The following SAMD4A variants were observed in gnomAD, a reference collection of about 807,000 sequenced individuals.
The protein encoded by SAMD4A is sterile alpha motif domain containing 4A, also known as protein Smaug homolog 1.
In SAMD4A, 33 loss-of-function variants were observed where a neutral mutation model predicts 81.3. That is an observed-to-expected ratio of 0.41 (90% confidence interval 0.31 to 0.54). SAMD4A has a LOEUF of 0.54. Ranked by LOEUF, SAMD4A falls within the 20% of genes least tolerant of loss-of-function variation. The probability of loss-of-function intolerance (pLI) is 0.37; values close to 1 mark genes in which losing one functional copy is unlikely to be tolerated. For missense variants in SAMD4A, 854 were observed against 951.1 expected, an observed-to-expected ratio of 0.90 and a Z score of 1.34; for synonymous variants, 389 against 382.1, an observed-to-expected ratio of 1.02 and a Z score of -0.21.
chr14:54,769,373 A>G (rs1594921866), intron 8 of SAMD4A, among the ~76,000 whole-genome samples: 2 of 152,232 alleles, frequency 1.3e-5, no homozygotes, highest in East Asian at 3.8e-4. Context: ...CCTAACCCAC[A>G]TAAAGTCCTT....
intron 2 of SAMD4A, among the ~76,000 whole-genome samples, chr14:54,681,526 C>A (rs1273217850): frequency 6.6e-6 from 1 of 152,040 alleles, no homozygotes; most frequent in Non-Finnish European, 1.5e-5. Context: ...AACTCCCTGA[C>A]TCAAGCAATT....
chr14:54,611,428 C>T (rs1264235542), intron 2 of SAMD4A, among the ~76,000 whole-genome samples: 1 of 152,180 alleles, frequency 6.6e-6, no homozygotes, highest in East Asian at 1.9e-4. Flanking sequence ...CTTAATCAGC[C>T]TTTACATAAA....
At chr14:54,718,858 G>C (rs2037188266) in intron 3 of SAMD4A, among the ~76,000 whole-genome samples, 1 of 152,018 alleles carries the variant, frequency 6.6e-6, no homozygotes, top group African/African-American at 2.4e-5. Context: ...ACAAAAATCA[G>C]CTGGGCGTGT....
chr14:54,737,022 A>G lies in SAMD4A; in HGVS notation c.716-2A>G, dbSNP rs1473274550. On this transcript the variant is annotated splice_acceptor_variant, in intron 3 of 12. Transcript: ENST00000554335. LOFTEE classifies it high-confidence loss of function. ...CCTATTTCATTTTATTTTTTTTTCCAGTTCTCTCAGGCCAGGCACACCACA... is the reference window on the plus strand; with the variant it reads ...CCTATTTCATTTTATTTTTTTTTCCGGTTCTCTCAGGCCAGGCACACCACA... The G allele has an allele frequency of 3.7e-6, 6 of 1,611,152 alleles. No individual in the cohort carries two copies. Among genetic ancestry groups the G allele is most frequent in the Non-Finnish European group, 5.1e-6 (6 of 1,179,384 alleles).
In SAMD4A at chr14:54,682,084, A is replaced by G. The variant is rs539882414; in HGVS notation, c.197-19978A>G. 1.9e-5 allele frequency: 19 copies of G among 983,702 alleles called. No individual in the cohort carries two copies. In the African/African-American group the frequency reaches 3.0e-4, roughly 15 times the overall value. The allele number at this position is 983,702 out of a possible 1,614,324, so 60.9% of individuals were successfully genotyped here. A position where few individuals can be genotyped will look rare whatever the true frequency, so the allele number is the denominator to read the frequency against. ...TAGGTATTTCATTAGTGTGTGACTCAGGAATCTCCGGATCCCTGTTCTTAT... is the reference window on the plus strand; with the variant it reads ...TAGGTATTTCATTAGTGTGTGACTCGGGAATCTCCGGATCCCTGTTCTTAT... On this transcript the variant is annotated intron_variant, in intron 2 of 12. Transcript: ENST00000554335.
intron 2 of SAMD4A, among the ~76,000 whole-genome samples, chr14:54,612,075 A>G (rs181224708): frequency 2.5e-4 from 38 of 152,140 alleles, no homozygotes; most frequent in African/African-American, 8.0e-4. Flanking sequence ...ACTGGAATGG[A>G]GCTTCTGTTT....
At chr14:54,687,730 C>T (rs1396455766) in intron 2 of SAMD4A, among the ~76,000 whole-genome samples, 1 of 152,152 alleles carries the variant, frequency 6.6e-6, no homozygotes, top group Non-Finnish European at 1.5e-5. Context: ...GTCTCTGCGC[C>T]TTGGTGTCCC....
chr14:54,679,377 G>T (rs2036075939), intron 2 of SAMD4A, among the ~76,000 whole-genome samples: 2 of 152,166 alleles, frequency 1.3e-5, no homozygotes, highest in African/African-American at 4.8e-5. Flanking sequence ...AATATTATGA[G>T]AAATGAATTA....
chr14:54,689,694 C>A (rs1354298210), intron 2 of SAMD4A: 1 of 152,216 alleles, frequency 6.6e-6, no homozygotes, highest in Non-Finnish European at 1.5e-5. Context: ...GCCAAGACAA[C>A]TGAACCCATC....
At chr14:54,720,614 G>A (rs1443941526) in intron 3 of SAMD4A, among the ~76,000 whole-genome samples, 1 of 152,178 alleles carries the variant, frequency 6.6e-6, no homozygotes, top group East Asian at 1.9e-4. Flanking sequence ...GGCCTGTTAG[G>A]AGTAAGGTGC....
intron 2 of SAMD4A, among the ~76,000 whole-genome samples, chr14:54,604,822 T>C (rs1437486747): frequency 1.3e-5 from 2 of 152,252 alleles, no homozygotes; most frequent in East Asian, 3.8e-4. Flanking sequence ...ATAAGATGAA[T>C]GCCCCTGTGC....
chr14:54,766,192 G>A (rs1293005040), intron 8 of SAMD4A, among the ~76,000 whole-genome samples: 1 of 152,172 alleles, frequency 6.6e-6, no homozygotes, highest in Non-Finnish European at 1.5e-5. Flanking sequence ...CTCCCCACAA[G>A]CCTTGACTAA....
chr14:54,593,622 C>G (rs1285864733), intron 2 of SAMD4A, among the ~76,000 whole-genome samples: 1 of 152,050 alleles, frequency 6.6e-6, no homozygotes, highest in Admixed American at 6.6e-5. Context: ...TTTACAAATG[C>G]TTAGTTTCGC....
intron 2 of SAMD4A, among the ~76,000 whole-genome samples, chr14:54,583,479 A>T (rs1424436980): frequency 6.6e-6 from 1 of 152,162 alleles, no homozygotes; most frequent in Non-Finnish European, 1.5e-5. Context: ...TCTGTTGTGC[A>T]GTCTTCTATT....
At chr14:54,615,346 C>G (rs918035041) in intron 2 of SAMD4A, among the ~76,000 whole-genome samples, 1 of 152,198 alleles carries the variant, frequency 6.6e-6, no homozygotes, top group Non-Finnish European at 1.5e-5. Context: ...TAATTCTATT[C>G]CTTTTCCTAA....
At chr14:54,692,113 G>A (rs999457656) in intron 2 of SAMD4A, among the ~76,000 whole-genome samples, 1 of 152,200 alleles carries the variant, frequency 6.6e-6, no homozygotes, top group Admixed American at 6.5e-5. Flanking sequence ...CATCTCTTGA[G>A]TTGGGAAATT....
intron 2 of SAMD4A, among the ~76,000 whole-genome samples, chr14:54,625,774 G>A (rs1304388489): frequency 6.6e-6 from 1 of 152,058 alleles, no homozygotes; most frequent in East Asian, 1.9e-4. Context: ...CTTTGCTCAC[G>A]GGGCATGTTC....
At chr14:54,739,062 T>TTTTTTTC in intron 4 of SAMD4A, among the ~76,000 whole-genome samples, 1 of 145,456 alleles carries the variant, frequency 6.9e-6, no homozygotes, top group Non-Finnish European at 1.5e-5. Context: ...TTTCTTTTTT[T>TTTTTTTC]TTTTTTTTTT....
At chr14:54,616,528 G>T (rs556681073) in intron 2 of SAMD4A, among the ~76,000 whole-genome samples, 1 of 152,254 alleles carries the variant, frequency 6.6e-6, no homozygotes, top group African/African-American at 2.4e-5. Flanking sequence ...ACGTGGGAAG[G>T]CTCCCTCCTG....
Sources: gnomAD v4.1 joint callset for allele counts (sites outside exome capture counted in the v4.1 genomes callset) on GRCh38, gnomAD v4.1.1 for gene constraint, MANE v1.5 for transcripts, NCBI Gene and HGNC (gene_info 2026-07-23, HGNC 2026-07-21) for gene names.